The following VAV3 variants were observed in gnomAD, a reference collection of about 807,000 sequenced individuals.
The protein encoded by VAV3 is guanine nucleotide exchange factor VAV3.
In VAV3, 94 loss-of-function variants were observed where a neutral mutation model predicts 131.2. The ratio of observed to expected loss-of-function variants is 0.72; its 90% CI spans 0.61 to 0.85. VAV3 has a LOEUF of 0.85. Ranked by LOEUF, VAV3 falls within the 40% of genes least tolerant of loss-of-function variation. The probability of loss-of-function intolerance (pLI) is 0.00; values close to 1 mark genes in which losing one functional copy is unlikely to be tolerated. For missense variants in VAV3, 939 were observed against 1,002.7 expected (o/e 0.94, Z 0.86); for synonymous variants, 349 against 342.0 (o/e 1.02, Z -0.22).
rs138983408 is a variant in VAV3, at chr1:107,707,465, T to C, written c.1503-2404A>G. 1.8e-4 allele frequency among the ~76,000 whole-genome samples: 28 copies of C among 152,298 alleles called. 1 individual carries two copies. In the Middle Eastern group the frequency reaches 0.014, roughly 74 times the overall value. Reference sequence around the variant, plus strand: ...AACACTGCCTGACCCATATTTGGTGTTCAATCAATGTTGGCTACAATTTAT... The same window carrying C: ...AACACTGCCTGACCCATATTTGGTGCTCAATCAATGTTGGCTACAATTTAT... On this transcript the variant is annotated intron_variant, in intron 15 of 26. Transcript: ENST00000370056.
At chr1:107,906,204 G>A (rs1435561067) in intron 1 of VAV3, among the ~76,000 whole-genome samples, 5 of 152,200 alleles carry the variant, frequency 3.3e-5, no homozygotes, top group Non-Finnish European at 7.3e-5. Context: ...AAATGCAGAA[G>A]GCTTGTAACT....
intron 1 of VAV3, among the ~76,000 whole-genome samples, chr1:107,903,858 C>G (rs1671983545): frequency 6.6e-6 from 1 of 152,130 alleles, no homozygotes. Context: ...GCCTTGAAGT[C>G]ATTCTTGACC....
At chr1:107,933,083 T>G (rs913439690) in intron 1 of VAV3, among the ~76,000 whole-genome samples, 26 of 152,170 alleles carry the variant, frequency 1.7e-4, no homozygotes, top group African/African-American at 6.0e-4. Context: ...TATAAGAAAT[T>G]TATGCCAAAT....
At chr1:107,881,082 C>T (rs1670750578) in intron 1 of VAV3, among the ~76,000 whole-genome samples, 1 of 152,130 alleles carries the variant, frequency 6.6e-6, no homozygotes, top group African/African-American at 2.4e-5. Context: ...GGCCCATATC[C>T]TTAACTACTA....
At chr1:107,599,395 A>C (rs375583475) in intron 24 of VAV3, among the ~76,000 whole-genome samples, 5 of 152,180 alleles carry the variant, frequency 3.3e-5, no homozygotes, top group African/African-American at 1.2e-4. Context: ...AAACAAAAGA[A>C]ATCGCTAAGC....
chr1:107,630,330 G>A (rs1002935741), intron 20 of VAV3, among the ~76,000 whole-genome samples: 3 of 151,228 alleles, frequency 2.0e-5, no homozygotes, highest in African/African-American at 7.3e-5. Flanking sequence ...AGGATAAAAA[G>A]ATGGAAGAAT....
intron 17 of VAV3, 22 bp from the exon 18 acceptor site, chr1:107,688,428 G>A (rs1210769307): frequency 2.5e-6 from 4 of 1,613,286 alleles, no homozygotes; most frequent in African/African-American, 1.3e-5. Context: ...GTAAAAATTG[G>A]CATTGTCAGT....
At chr1:107,954,539 T>TC (rs1340928351) in intron 1 of VAV3, among the ~76,000 whole-genome samples, 1 of 151,054 alleles carries the variant, frequency 6.6e-6, no homozygotes, top group African/African-American at 2.4e-5. Flanking sequence ...GGCAAATTTT[T>TC]TTTTTTTTTT....
At chr1:107,716,553 T>C (rs529462799) in intron 15 of VAV3, among the ~76,000 whole-genome samples, 41 of 152,374 alleles carry the variant, frequency 2.7e-4, no homozygotes, top group Non-Finnish European at 4.9e-4. Context: ...TTTGCATATG[T>C]TGAACCAGCC....
chr1:107,688,245 G>T (rs936470231), intron 18 of VAV3, 136 bp downstream of exon 18: 78 of 1,112,622 alleles, frequency 7.0e-5, no homozygotes, highest in Non-Finnish European at 9.3e-5. Flanking sequence ...CAATCACTTG[G>T]TTGTTCCCTC....
At chr1:107,732,493 C>T (rs149717424) in intron 15 of VAV3, among the ~76,000 whole-genome samples, 5 of 152,274 alleles carry the variant, frequency 3.3e-5, no homozygotes, top group East Asian at 1.9e-4. Flanking sequence ...CCAGGAAAAT[C>T]GGGACACTCC....
At chr1:107,896,274 TACTTTGA>T (rs376920462) in intron 1 of VAV3, among the ~76,000 whole-genome samples, 4 of 152,330 alleles carry the variant, frequency 2.6e-5, no homozygotes, top group Admixed American at 6.5e-5. Context: ...GACACAGACT[TACTTTGA>T]GCAAGTCCTT....
intron 20 of VAV3, among the ~76,000 whole-genome samples, chr1:107,630,508 A>C (rs114445374): frequency 6.6e-6 from 1 of 152,182 alleles, no homozygotes; most frequent in Non-Finnish European, 1.5e-5. Flanking sequence ...TAATCTATTT[A>C]AAGTCACACT....
chr1:107,862,741 C>T (rs1016268077), intron 2 of VAV3: 3 of 151,480 alleles, frequency 2.0e-5, no homozygotes, highest in African/African-American at 7.3e-5. Flanking sequence ...TAGGATACGG[C>T]CCAACAACTA....
At chr1:107,917,518 T>C (rs906914362) in intron 1 of VAV3, among the ~76,000 whole-genome samples, 3 of 152,096 alleles carry the variant, frequency 2.0e-5, no homozygotes, top group Non-Finnish European at 2.9e-5. Context: ...ACCACAACTT[T>C]TAAAAAAATA....
At chr1:107,599,807 A>G (rs529046287) in intron 24 of VAV3, among the ~76,000 whole-genome samples, 1 of 102,984 alleles carries the variant, frequency 9.7e-6, no homozygotes, top group East Asian at 2.9e-4. Flanking sequence ...TGTGTTTCAC[A>G]GATAGAAGAG....
intron 19 of VAV3, among the ~76,000 whole-genome samples, chr1:107,649,461 T>C (rs1245079691): frequency 6.6e-6 from 1 of 152,092 alleles, no homozygotes; most frequent in Admixed American, 6.6e-5. Flanking sequence ...CACTAGTTTA[T>C]AAAATGGTTG....
intron 2 of VAV3, among the ~76,000 whole-genome samples, chr1:107,870,955 C>T (rs570222776): frequency 6.6e-6 from 1 of 152,264 alleles, no homozygotes; most frequent in South Asian, 2.1e-4. Flanking sequence ...TTCTATTACG[C>T]TCTAGAAATT....
chr1:107,896,651 G>C lies in VAV3; in HGVS notation c.205-21634C>G, dbSNP rs186344959. Among the ~76,000 whole-genome samples, 292 of 152,222 alleles carry C rather than the reference G, an allele frequency of 1.9e-3. 3 individuals carry two copies. The highest frequency in any genetic ancestry group is 6.9e-3 in the African/African-American group (288 of 41,520). On this transcript the variant is annotated intron_variant, in intron 1 of 26. Coordinates refer to ENST00000370056, the MANE Select transcript of VAV3 (RefSeq NM_006113.5). ...ATGTACTAAGATCAAGATCAGCAGAGGTTGGAGGTGTGTGATTCTATATGG... is the reference window on the plus strand; with the variant it reads ...ATGTACTAAGATCAAGATCAGCAGACGTTGGAGGTGTGTGATTCTATATGG...
Sources: gnomAD v4.1 joint callset for allele counts (sites outside exome capture counted in the v4.1 genomes callset) on GRCh38, gnomAD v4.1.1 for gene constraint, MANE v1.5 for transcripts, NCBI Gene and HGNC (gene_info 2026-07-23, HGNC 2026-07-21) for gene names.